RGS7: variants seen among roughly 807,000 people sequenced by gnomAD.
The protein encoded by RGS7 is regulator of G protein signaling 7.
Under a neutral mutation model 81.1 loss-of-function variants are expected in RGS7, and 27 were observed. The ratio of observed to expected loss-of-function variants is 0.33; its 90% CI spans 0.25 to 0.46. The LOEUF is 0.46. RGS7 is among the 20% of genes least tolerant of loss of function. RGS7 has a pLI of 1.00. For missense variants in RGS7, 396 were observed against 607.4 expected (o/e 0.65, Z 3.66); for synonymous variants, 208 against 207.7 (o/e 1.00, Z -0.01).
At chr1:240,883,615 C>T (rs939118082) in intron 6 of RGS7, among the ~76,000 whole-genome samples, 1 of 152,194 alleles carries the variant, frequency 6.6e-6, no homozygotes, top group South Asian at 2.1e-4. Flanking sequence ...TGGCCATTCA[C>T]AGAGTGGCAA....
Position 241,339,298 on chromosome 1 carries a change from T to A in RGS7, c.78+16401A>T, listed in dbSNP as rs375240312. Among the ~76,000 whole-genome samples the A allele has an allele frequency of 2.8e-4, 43 of 152,318 alleles. 1 individual carries two copies. In the South Asian group the frequency reaches 8.5e-3, roughly 30 times the overall value. Reference sequence around the variant, plus strand: ...TTATCCAGTCTATCACTGATGGGCATTTGGGTTGATTCCATGTCTTTGCTA... The same window carrying A: ...TTATCCAGTCTATCACTGATGGGCAATTGGGTTGATTCCATGTCTTTGCTA... On this transcript the variant is annotated intron_variant, in intron 2 of 18. Transcript: ENST00000440928.
At chr1:241,127,569 CG>C (rs1277803878) in intron 2 of RGS7, among the ~76,000 whole-genome samples, 3 of 151,972 alleles carry the variant, frequency 2.0e-5, no homozygotes, top group Admixed American at 1.3e-4. Context: ...GGAGGGATAG[CG>C]TTAGGAGATA....
At chr1:241,060,359 T>C (rs1386670919) in intron 3 of RGS7, among the ~76,000 whole-genome samples, 1 of 152,224 alleles carries the variant, frequency 6.6e-6, no homozygotes, top group African/African-American at 2.4e-5. Context: ...CATATCACTG[T>C]TAACCTTTGT....
At chr1:241,188,171 G>A (rs2072289915) in intron 2 of RGS7, among the ~76,000 whole-genome samples, 1 of 103,946 alleles carries the variant, frequency 9.6e-6, no homozygotes, top group East Asian at 2.7e-4. Context: ...CACATTGTAT[G>A]CATGCCATCA....
chr1:241,140,066 CTT>C (rs1048718506), intron 2 of RGS7, among the ~76,000 whole-genome samples: 10 of 152,300 alleles, frequency 6.6e-5, no homozygotes, highest in South Asian at 2.1e-4. Flanking sequence ...GCTCTTCTCT[CTT>C]GTCTCCCCTC....
intron 2 of RGS7, among the ~76,000 whole-genome samples, chr1:241,341,751 G>A (rs2082562648): frequency 6.6e-6 from 1 of 151,804 alleles, no homozygotes; most frequent in African/African-American, 2.4e-5. Context: ...TATTACCCCA[G>A]TTTGCAGACA....
intron 15 of RGS7, among the ~76,000 whole-genome samples, chr1:240,804,407 C>G (rs2103064174): frequency 6.6e-6 from 1 of 152,064 alleles, no homozygotes; most frequent in Admixed American, 6.6e-5. Context: ...CAGAGCAGAG[C>G]TGAAATCAGA....
chr1:240,982,292 C>T (rs901884287), intron 4 of RGS7, among the ~76,000 whole-genome samples: 4 of 151,760 alleles, frequency 2.6e-5, no homozygotes, highest in African/African-American at 9.7e-5. Context: ...TGTGGTGGCA[C>T]GCGCCCATAA....
rs774506790 is a variant in RGS7, at chr1:241,164,006, G to A, written c.79-65244C>T. 1.1e-4 allele frequency among the ~76,000 whole-genome samples: 17 copies of A among 152,126 alleles called. No individual in the cohort carries two copies. The highest frequency in any genetic ancestry group is 2.4e-4 in the Non-Finnish European group (16 of 68,038). ...TTACAAGTCCCAGTTTATTTCACCT[G>A]TGCTTCTGACAGACCAGCTGGAAAT... On this transcript the variant is annotated intron_variant, in intron 2 of 18. Transcript: ENST00000440928. The surrounding 1 kb of genome is among the most constrained non-coding windows in gnomAD (Gnocchi z 4.1).
In RGS7 at chr1:241,306,399, A is replaced by C. The variant is rs190925019; in HGVS notation, c.78+49300T>G. ...CGCACACACCCTTACACCCTTACAC[A>C]CACCCTCACATGCACACACGTCCAT... is the stretch of plus-strand genomic sequence containing the variant. On this transcript the variant is annotated intron_variant, in intron 2 of 18. Transcript: ENST00000440928. 2.5e-3 allele frequency among the ~76,000 whole-genome samples: 371 copies of C among 150,294 alleles called. 4 individuals are homozygous for C. The highest frequency in any genetic ancestry group is 8.7e-3 in the African/African-American group (353 of 40,794).
At chr1:241,327,366 T>C (rs2081665242) in intron 2 of RGS7, among the ~76,000 whole-genome samples, 1 of 152,164 alleles carries the variant, frequency 6.6e-6, no homozygotes, top group Admixed American at 6.5e-5. Flanking sequence ...TGTTTTCATA[T>C]TGCAATGATG....
intron 5 of RGS7, among the ~76,000 whole-genome samples, chr1:240,934,211 C>G (rs1676200659): frequency 1.3e-5 from 2 of 152,328 alleles, no homozygotes; most frequent in South Asian, 4.2e-4. Context: ...CTGCCCACCT[C>G]TGCCTCTCAA....
chr1:241,251,217 C>T (rs1336986800), intron 2 of RGS7, among the ~76,000 whole-genome samples: 1 of 152,172 alleles, frequency 6.6e-6, no homozygotes, highest in Admixed American at 6.5e-5. Flanking sequence ...ATGCTTTTAA[C>T]TAATTTTTGT....
intron 3 of RGS7, among the ~76,000 whole-genome samples, chr1:241,098,431 C>T (rs879721494): frequency 7.2e-5 from 11 of 152,086 alleles, no homozygotes; most frequent in Admixed American, 5.9e-4. Context: ...TGTTTTACTT[C>T]GCATTTGTTC....
intron 14 of RGS7, among the ~76,000 whole-genome samples, chr1:240,807,650 A>G (rs1282322680): frequency 1.3e-5 from 2 of 152,186 alleles, no homozygotes; most frequent in African/African-American, 4.8e-5. Flanking sequence ...CAACGCCTCA[A>G]ACAGGAAACT....
intron 2 of RGS7, among the ~76,000 whole-genome samples, chr1:241,116,871 A>G (rs2065917574): frequency 6.6e-6 from 1 of 152,164 alleles, no homozygotes; most frequent in South Asian, 2.1e-4. Context: ...AGTGGTATAG[A>G]ACACTGTAAC....
chr1:241,014,551 G>A (rs941255273), intron 3 of RGS7, among the ~76,000 whole-genome samples: 1 of 152,194 alleles, frequency 6.6e-6, no homozygotes, highest in African/African-American at 2.4e-5. Flanking sequence ...CAGTCATTTC[G>A]ACTGTGGCCC....
chr1:240,934,722 ATCTC>A (rs929813359), intron 5 of RGS7, among the ~76,000 whole-genome samples: 1 of 152,118 alleles, frequency 6.6e-6, no homozygotes, highest in African/African-American at 2.4e-5. Context: ...CTGCCTATCT[ATCTC>A]AGCACACTGA....
At chr1:240,990,384 T>C (rs2148587223) in intron 3 of RGS7, among the ~76,000 whole-genome samples, 1 of 152,328 alleles carries the variant, frequency 6.6e-6, no homozygotes, top group South Asian at 2.1e-4. Flanking sequence ...TTGCTATGAA[T>C]ATAAATGTGT....
Sources: allele counts gnomAD v4.1 joint callset (sites outside exome capture counted in the v4.1 genomes callset), GRCh38; gene constraint gnomAD v4.1.1; non-coding constraint Gnocchi (gnomAD v3.1); transcripts MANE v1.5; gene names NCBI Gene and HGNC (gene_info 2026-07-23, HGNC 2026-07-21).